The following ZNF366 variants were observed in gnomAD, a reference collection of about 807,000 sequenced individuals.
ZNF366 encodes dendritic cell-specific transcript protein.
A neutral mutation model predicts 47.2 loss-of-function variants in ZNF366; 20 were observed. The observed-to-expected ratio is 0.42, with a 90% CI of 0.30 to 0.62. ZNF366 has a LOEUF of 0.62. Ranked by LOEUF, ZNF366 falls within the 20% of genes least tolerant of loss-of-function variation. The pLI is 0.16. For missense variants in ZNF366, 987 were observed against 976.3 expected, an observed-to-expected ratio of 1.01 and a Z score of -0.15; for synonymous variants, 421 against 395.1, an observed-to-expected ratio of 1.07 and a Z score of -0.78.
intron 3 of ZNF366, among the ~76,000 whole-genome samples, chr5:72,450,799 C>T (rs1004860038): frequency 2.0e-5 from 3 of 152,184 alleles, no homozygotes; most frequent in African/African-American, 7.2e-5. Context: ...TCTGAAAACA[C>T]CCAAGTGTAT....
At chr5:72,499,962 C>A (rs1744181975) in intron 1 of ZNF366, among the ~76,000 whole-genome samples, 1 of 152,182 alleles carries the variant, frequency 6.6e-6, no homozygotes, top group African/African-American at 2.4e-5. Flanking sequence ...CCTTCCCCCA[C>A]CCCTCCAACA....
At chr5:72,462,540 TTTCTTTC>T (rs1401925305) in intron 1 of ZNF366, among the ~76,000 whole-genome samples, 184 of 84,390 alleles carry the variant, frequency 2.2e-3, no homozygotes, top group African/African-American at 0.011. Flanking sequence ...TCTTTCTTTC[TTTCTTTC>T]TTTTTTTTTT....
chr5:72,499,589 A>AT (rs901164672), intron 1 of ZNF366, among the ~76,000 whole-genome samples: 2 of 150,076 alleles, frequency 1.3e-5, no homozygotes, highest in African/African-American at 4.9e-5. Flanking sequence ...CAATATATAG[A>AT]TTTTTTAGGA....
In ZNF366 at chr5:72,443,631, T is replaced by C. The variant is rs1050495865; in HGVS notation, c.*125A>G. 108 of 1,073,738 alleles carry C rather than the reference T, an allele frequency of 1.0e-4. No individual in the cohort carries two copies. The highest frequency in any genetic ancestry group is 1.3e-4 in the Non-Finnish European group (102 of 763,486). The allele number at this position is 1,073,738 out of a possible 1,614,324, so 66.5% of individuals were successfully genotyped here. A position where few individuals can be genotyped will look rare whatever the true frequency, so the allele number is the denominator to read the frequency against. On this transcript the variant is annotated 3_prime_UTR_variant, in exon 5 of 5. Transcript: ENST00000318442. ...TTCCATTACCTACATCCCTGCTCAT[T>C]TAGTCTAAGCCATTTGTAGAGATTG...
In ZNF366 at chr5:72,448,656, T is replaced by A. The variant is rs149648385; in HGVS notation, c.1525-1239A>T. 9.2e-4 allele frequency among the ~76,000 whole-genome samples: 140 copies of A among 152,290 alleles called. 2 individuals carry two copies. In the East Asian group the frequency reaches 0.025, roughly 27 times the overall value. ...CCACAGAGACACTCAGGGTGAGGCATCCTCTGAGGCTTACACCAGTTTTCC... is the reference window on the plus strand; with the variant it reads ...CCACAGAGACACTCAGGGTGAGGCAACCTCTGAGGCTTACACCAGTTTTCC... On this transcript the variant is annotated intron_variant, in intron 3 of 4. Transcript: ENST00000318442.
chr5:72,475,907 C>T (rs923660510), intron 1 of ZNF366, among the ~76,000 whole-genome samples: 6 of 152,120 alleles, frequency 3.9e-5, no homozygotes, highest in Admixed American at 3.9e-4. Context: ...GAACAAGGAG[C>T]AGGATCTGTC....
intron 3 of ZNF366, among the ~76,000 whole-genome samples, chr5:72,451,945 G>A (rs1181169017): frequency 2.0e-5 from 3 of 152,214 alleles, no homozygotes; most frequent in Non-Finnish European, 4.4e-5. Flanking sequence ...AGGCACCTCA[G>A]GCACTTGCCA....
At chr5:72,452,797 G>A (rs4703890) in intron 3 of ZNF366, among the ~76,000 whole-genome samples, 130,444 of 152,232 alleles carry the variant, frequency 0.86, 56,072 homozygotes, top group East Asian at 0.97. Flanking sequence ...CAGGTTTCCC[G>A]AAGACGGCAG....
intron 1 of ZNF366, among the ~76,000 whole-genome samples, chr5:72,464,183 C>A (rs1285208341): frequency 6.6e-6 from 1 of 152,100 alleles, no homozygotes; most frequent in African/African-American, 2.4e-5. Context: ...CATGTCAGAA[C>A]CTGGGCCAAA....
In ZNF366 at chr5:72,442,432, G is replaced by GT. The variant is rs1050917733; in HGVS notation, c.*1323dup. 10 of 151,382 alleles carry GT rather than the reference G, an allele frequency of 6.6e-5. No homozygotes were observed. Among genetic ancestry groups the GT allele is most frequent in the African/African-American group, 2.2e-4 (9 of 41,168 alleles). 9.4% of individuals were successfully genotyped at this position (151,382 alleles called of 1,614,324 possible). On this transcript the variant is annotated 3_prime_UTR_variant, in exon 5 of 5. Coordinates refer to ENST00000318442, the MANE Select transcript of ZNF366 (RefSeq NM_152625.3). ...TAATGGGTAAGGCCTTGGTTTGGTGGTTTTTTTTTAAAGGTCACCCCAGAT... is the reference window on the plus strand; with the variant it reads ...TAATGGGTAAGGCCTTGGTTTGGTGGTTTTTTTTTTAAAGGTCACCCCAGAT...
At chr5:72,445,042 C>G (rs2112313492) in intron 4 of ZNF366, among the ~76,000 whole-genome samples, 1 of 152,342 alleles carries the variant, frequency 6.6e-6, no homozygotes, top group South Asian at 2.1e-4. Context: ...CCACCCCTGA[C>G]TGTGGCCCCT....
At chr5:72,472,698 C>T (rs1051332393) in intron 1 of ZNF366, 17 of 512,040 alleles carry the variant, frequency 3.3e-5, no homozygotes, top group Non-Finnish European at 4.3e-5. Flanking sequence ...TCCAGCCCTC[C>T]GAGTTTCTCC....
At chr5:72,480,752 TC>T (rs1743774659) in intron 1 of ZNF366, among the ~76,000 whole-genome samples, 2 of 152,210 alleles carry the variant, frequency 1.3e-5, no homozygotes, top group African/African-American at 4.8e-5. Flanking sequence ...TTCATTTGAG[TC>T]TTTTTAATAA....
chr5:72,503,223 C>A (rs1424709742), intron 1 of ZNF366, among the ~76,000 whole-genome samples: 2 of 152,130 alleles, frequency 1.3e-5, no homozygotes, highest in African/African-American at 4.8e-5. Context: ...TCATTATCAT[C>A]AGATTGCTCA....
chr5:72,446,751 T>G (rs1742968774), intron 4 of ZNF366, among the ~76,000 whole-genome samples: 1 of 152,182 alleles, frequency 6.6e-6, no homozygotes, highest in Non-Finnish European at 1.5e-5. Context: ...GCACATCTGT[T>G]TTCTAAAAAG....
intron 1 of ZNF366, among the ~76,000 whole-genome samples, chr5:72,466,507 T>G (rs1216658005): frequency 1.3e-5 from 2 of 152,160 alleles, no homozygotes; most frequent in Admixed American, 6.6e-5. Context: ...TAGTGCTGGG[T>G]CAACACTAGC....
chr5:72,485,152 G>C (rs562277945), intron 1 of ZNF366, among the ~76,000 whole-genome samples: 1 of 152,310 alleles, frequency 6.6e-6, no homozygotes, highest in Non-Finnish European at 1.5e-5. Flanking sequence ...GTATTCTCTT[G>C]ATTAAATGCG....
At chr5:72,476,753 G>A (rs907534036) in intron 1 of ZNF366, among the ~76,000 whole-genome samples, 45 of 152,116 alleles carry the variant, frequency 3.0e-4, no homozygotes, top group South Asian at 2.1e-4. Flanking sequence ...AGCCCTGAGC[G>A]GAAGACTTCT....
At position 72,444,609 on chromosome 5, in the gene ZNF366, AT is replaced by A. The variant is rs34574712; in HGVS notation, c.1700-319del. ...ACACTGTGTGGATGCATATCACCAT[AT>A]TTTTTTTTTATCACAGTCAAACAAT... On this transcript the variant is annotated intron_variant, in intron 4 of 4. Coordinates refer to ENST00000318442, the MANE Select transcript of ZNF366 (RefSeq NM_152625.3). 3.8e-3 allele frequency among the ~76,000 whole-genome samples: 578 copies of A among 150,592 alleles called. 3 individuals carry two copies. The highest frequency in any genetic ancestry group is 0.012 in the African/African-American group (493 of 41,142).
Sources: gnomAD v4.1 joint callset for allele counts (sites outside exome capture counted in the v4.1 genomes callset) on GRCh38, gnomAD v4.1.1 for gene constraint, MANE v1.5 for transcripts, NCBI Gene and HGNC (gene_info 2026-07-23, HGNC 2026-07-21) for gene names.